The following SCN2A variants were observed in gnomAD, a reference collection of about 807,000 sequenced individuals.
SCN2A encodes the protein sodium voltage-gated channel alpha subunit 2.
A neutral mutation model predicts 188.7 loss-of-function variants in SCN2A; 20 were observed. The observed-to-expected ratio is 0.11, with a 90% CI of 0.07 to 0.15. The LOEUF is 0.15. Ranked by LOEUF, SCN2A falls within the 10% of genes least tolerant of loss-of-function variation. The probability of loss-of-function intolerance (pLI) is 1.00; values close to 1 mark genes in which losing one functional copy is unlikely to be tolerated. For synonymous variants in SCN2A, 804 were observed against 833.1 expected (o/e 0.97, Z 0.60); for missense variants, 1,278 against 2,445.0 (o/e 0.52, Z 10.07).
At chr2:165,369,913 A>C (rs911969416) in intron 19 of SCN2A, among the ~76,000 whole-genome samples, 1 of 152,200 alleles carries the variant, frequency 6.6e-6, no homozygotes, top group South Asian at 2.1e-4. Flanking sequence ...TGAGACCAAA[A>C]TTTAAAAATT....
chr2:165,361,954 CT>C (rs1384268186), intron 17 of SCN2A, among the ~76,000 whole-genome samples: 1 of 151,994 alleles, frequency 6.6e-6, no homozygotes, highest in African/African-American at 2.4e-5. Context: ...ATTTGTGTTA[CT>C]CTGCAATTAA....
intron 6 of SCN2A, among the ~76,000 whole-genome samples, chr2:165,309,677 G>C (rs1335899315): frequency 6.6e-6 from 1 of 152,142 alleles, no homozygotes; most frequent in Non-Finnish European, 1.5e-5. Context: ...GGCATTTGCA[G>C]TAACAGGCTA....
chr2:165,345,544 CT>C (rs551223884), intron 16 of SCN2A, among the ~76,000 whole-genome samples: 1,678 of 144,602 alleles, frequency 0.012, 21 homozygotes, highest in African/African-American at 0.037. Context: ...GCAAACCCTG[CT>C]TTTTTTTTTT....
Position 165,295,712 on chromosome 2 carries a change from A to G in SCN2A, c.-51-61A>G, listed in dbSNP as rs13407286. 21,256 of 1,482,562 alleles carry G rather than the reference A, an allele frequency of 0.014. 171 individuals carry two copies. Among genetic ancestry groups the G allele is most frequent in the Non-Finnish European group, 0.017 (18,395 of 1,074,654 alleles). The allele number at this position is 1,482,562 out of a possible 1,614,324, so 91.8% of individuals were successfully genotyped here. A position where few individuals can be genotyped will look rare whatever the true frequency, so the allele number is the denominator to read the frequency against. On this transcript the variant is annotated intron_variant, in intron 1 of 26. Transcript: ENST00000375437. ...GTATCTCAGTGCTCAGTGTCATGTA[A>G]CTGACACAATCACCTTTTATTCTAA...
intron 11 of SCN2A, among the ~76,000 whole-genome samples, chr2:165,318,085 C>T (rs1697861068): frequency 6.6e-6 from 1 of 152,100 alleles, no homozygotes; most frequent in African/African-American, 2.4e-5. Context: ...CCCATCGTGT[C>T]TGTTAGATTT....
chr2:165,308,578 T>C, intron 4 of SCN2A, 88 bp from the exon 5 acceptor site: 1 of 1,452,264 alleles, frequency 6.9e-7, no homozygotes, highest in Non-Finnish European at 9.6e-7. Context: ...AGTGTCTAAT[T>C]TTTGTTTGCT....
intron 12 of SCN2A, among the ~76,000 whole-genome samples, chr2:165,324,485 C>A (rs1698249399): frequency 6.6e-6 from 1 of 152,120 alleles, no homozygotes; most frequent in Admixed American, 6.5e-5. Flanking sequence ...TGCATGGCCT[C>A]TCCCCACCTC....
At chr2:165,250,023 T>C (rs2106066123) in intron 1 of SCN2A, among the ~76,000 whole-genome samples, 1 of 152,192 alleles carries the variant, frequency 6.6e-6, no homozygotes, top group African/African-American at 2.4e-5. Flanking sequence ...CTCTCTGTTT[T>C]CACATGCAGC....
intron 11 of SCN2A, chr2:165,320,265 C>G (rs1698001311): frequency 6.6e-6 from 1 of 152,290 alleles, no homozygotes; most frequent in African/African-American, 2.4e-5. Context: ...GAGGTGGGTT[C>G]CCTTGGTCTT....
chr2:165,256,417 C>A (rs1416703217), intron 1 of SCN2A, among the ~76,000 whole-genome samples: 1 of 152,034 alleles, frequency 6.6e-6, no homozygotes, highest in Non-Finnish European at 1.5e-5. Flanking sequence ...ACTGTGGTAG[C>A]CTTAGTTTTT....
rs987217669 is a variant in SCN2A, at chr2:165,254,870, A to T, written c.-52+15230A>T. On this transcript the variant is annotated intron_variant, in intron 1 of 26. Transcript: ENST00000375437. ...GTATATATTTATTAGAACATTTACA[A>T]GTACAAAATTACCTTACTTATCCAT... is the stretch of plus-strand genomic sequence containing the variant. Among the ~76,000 whole-genome samples the T allele has an allele frequency of 4.6e-5, 7 of 151,954 alleles. No homozygotes were observed. In the East Asian group the frequency reaches 9.7e-4, roughly 21 times the overall value.
chr2:165,262,295 T>C (rs1694629442), intron 1 of SCN2A, among the ~76,000 whole-genome samples: 1 of 152,098 alleles, frequency 6.6e-6, no homozygotes, highest in African/African-American at 2.4e-5. Context: ...TTAGTGGTGA[T>C]TTCTGAGATT....
intron 16 of SCN2A, among the ~76,000 whole-genome samples, chr2:165,350,650 T>G (rs1378144541): frequency 7.0e-6 from 1 of 143,644 alleles, no homozygotes; most frequent in African/African-American, 2.6e-5. Flanking sequence ...TTTTTTGTAT[T>G]TTTAGTAGAG....
intron 16 of SCN2A, among the ~76,000 whole-genome samples, chr2:165,351,814 G>T (rs576285823): frequency 6.6e-6 from 1 of 150,832 alleles, no homozygotes; most frequent in South Asian, 2.1e-4. Flanking sequence ...CTAGGACTTG[G>T]CTCTAAGGCA....
At chr2:165,382,454 C>A (rs1049094623) in intron 25 of SCN2A, among the ~76,000 whole-genome samples, 1 of 152,012 alleles carries the variant, frequency 6.6e-6, no homozygotes, top group Admixed American at 6.6e-5. Flanking sequence ...TGTGTCCAAC[C>A]AGCAGGACTG....
intron 16 of SCN2A, among the ~76,000 whole-genome samples, chr2:165,353,028 A>G (rs1169363831): frequency 6.6e-6 from 1 of 151,554 alleles, no homozygotes; most frequent in Non-Finnish European, 1.5e-5. Context: ...TACCCCTGAG[A>G]ATGTCTGATT....
At chr2:165,263,946 G>A (rs1290265101) in intron 1 of SCN2A, among the ~76,000 whole-genome samples, 1 of 151,490 alleles carries the variant, frequency 6.6e-6, no homozygotes, top group Non-Finnish European at 1.5e-5. Context: ...TCTCAGCTTG[G>A]CCACTGTTGG....
intron 1 of SCN2A, among the ~76,000 whole-genome samples, chr2:165,250,196 C>T (rs1694023424): frequency 6.6e-6 from 1 of 151,988 alleles, no homozygotes; most frequent in Admixed American, 6.6e-5. Context: ...ATATACTGCC[C>T]TCCATAGGAG....
At chr2:165,318,710 T>C (rs1444337996) in intron 11 of SCN2A, among the ~76,000 whole-genome samples, 1 of 152,194 alleles carries the variant, frequency 6.6e-6, no homozygotes, top group Admixed American at 6.5e-5. Flanking sequence ...GCAGTTAAAA[T>C]ATAAACTCTT....
Sources: gnomAD v4.1 joint callset for allele counts (sites outside exome capture counted in the v4.1 genomes callset) on GRCh38, gnomAD v4.1.1 for gene constraint, MANE v1.5 for transcripts, NCBI Gene and HGNC (gene_info 2026-07-23, HGNC 2026-07-21) for gene names.